ESRRG: variants seen among roughly 807,000 people sequenced by gnomAD.
ESRRG encodes estrogen-related receptor gamma.
A neutral mutation model predicts 44.0 loss-of-function variants in ESRRG; 13 were observed. The observed-to-expected ratio is 0.30, with a 90% CI of 0.19 to 0.47. The LOEUF is 0.47. ESRRG is among the 20% of genes least tolerant of loss of function. ESRRG has a pLI of 1.00. For missense variants in ESRRG, 395 were observed against 580.6 expected, an observed-to-expected ratio of 0.68 and a Z score of 3.29; for synonymous variants, 215 against 214.6, an observed-to-expected ratio of 1.00 and a Z score of -0.02.
At chr1:217,094,908 A>G (rs1261380924) in intron 1 of ESRRG, among the ~76,000 whole-genome samples, 1 of 152,236 alleles carries the variant, frequency 6.6e-6, no homozygotes, top group African/African-American at 2.4e-5. Flanking sequence ...AATGTATATC[A>G]AGCCTCTGAC....
At chr1:216,821,119 C>T (rs1189695956) in intron 2 of ESRRG, among the ~76,000 whole-genome samples, 1 of 152,094 alleles carries the variant, frequency 6.6e-6, no homozygotes, top group East Asian at 1.9e-4. Context: ...AGGGTTAGGC[C>T]AAGTGACATA....
chr1:216,926,755 G>T (rs1216431092), intron 2 of ESRRG, among the ~76,000 whole-genome samples: 3 of 152,158 alleles, frequency 2.0e-5, no homozygotes, highest in African/African-American at 7.2e-5. Flanking sequence ...ATTTCCCCTG[G>T]GGGATCTGAA....
intron 3 of ESRRG, among the ~76,000 whole-genome samples, chr1:216,574,912 C>T (rs1207677094): frequency 6.6e-6 from 1 of 152,114 alleles, no homozygotes; most frequent in Non-Finnish European, 1.5e-5. Flanking sequence ...TGCCTAAAGC[C>T]ACCTCCCTCC....
intron 1 of ESRRG, among the ~76,000 whole-genome samples, chr1:216,957,074 G>T (rs1347118852): frequency 6.6e-6 from 1 of 152,138 alleles, no homozygotes; most frequent in Non-Finnish European, 1.5e-5. Context: ...ATGTGAAAAG[G>T]ACTTGGTTAG....
At chr1:216,924,153 T>G (rs2062203251) in intron 2 of ESRRG, among the ~76,000 whole-genome samples, 1 of 152,094 alleles carries the variant, frequency 6.6e-6, no homozygotes, top group South Asian at 2.1e-4. Context: ...TCTCCCACAT[T>G]TCCCCCTCCA....
intron 2 of ESRRG, among the ~76,000 whole-genome samples, chr1:216,739,575 T>C (rs2090407094): frequency 1.3e-5 from 2 of 152,120 alleles, no homozygotes; most frequent in South Asian, 4.1e-4. Context: ...GAACTGTTAG[T>C]GTAAATTCTC....
At chr1:216,733,461 T>C (rs907067080) in intron 2 of ESRRG, among the ~76,000 whole-genome samples, 14 of 152,322 alleles carry the variant, frequency 9.2e-5, no homozygotes, top group African/African-American at 3.1e-4. Flanking sequence ...TTGCCGTCAT[T>C]GAGCAGTTAA....
At chr1:217,033,294 A>G (rs1558041072) in intron 1 of ESRRG, among the ~76,000 whole-genome samples, 1 of 152,126 alleles carries the variant, frequency 6.6e-6, no homozygotes, top group Non-Finnish European at 1.5e-5. Flanking sequence ...TGCTAAACTC[A>G]CAAATCTCAG....
chr1:217,028,071 A>G (rs1359703632), intron 1 of ESRRG, among the ~76,000 whole-genome samples: 1 of 152,080 alleles, frequency 6.6e-6, no homozygotes, highest in South Asian at 2.1e-4. Context: ...TTGGCCTTGC[A>G]TTTCCCTCTG....
intron 2 of ESRRG, among the ~76,000 whole-genome samples, chr1:216,813,506 A>G (rs1576831820): frequency 6.6e-6 from 1 of 152,228 alleles, no homozygotes; most frequent in East Asian, 1.9e-4. Context: ...TATAACTAGT[A>G]TCTATTTTAA....
At chr1:216,886,913 C>CT (rs1280562696) in intron 2 of ESRRG, among the ~76,000 whole-genome samples, 1 of 151,932 alleles carries the variant, frequency 6.6e-6, no homozygotes, top group Non-Finnish European at 1.5e-5. Flanking sequence ...TTTGTTTGTA[C>CT]TTTTTTTAAA....
At chr1:216,841,784 T>C (rs1256365480) in intron 2 of ESRRG, among the ~76,000 whole-genome samples, 2 of 152,150 alleles carry the variant, frequency 1.3e-5, no homozygotes, top group African/African-American at 2.4e-5. Flanking sequence ...AATGCACATG[T>C]TGGTTCATCT....
At chr1:216,790,131 C>A (rs2094269747) in intron 2 of ESRRG, among the ~76,000 whole-genome samples, 1 of 152,182 alleles carries the variant, frequency 6.6e-6, no homozygotes, top group Admixed American at 6.5e-5. Flanking sequence ...CAGGCTGGAT[C>A]TCCTAAATAA....
At chr1:217,009,656 T>C (rs1024359696) in intron 1 of ESRRG, among the ~76,000 whole-genome samples, 1 of 151,900 alleles carries the variant, frequency 6.6e-6, no homozygotes, top group African/African-American at 2.4e-5. Context: ...TACATCCATG[T>C]CTCCCATGAG....
chr1:216,839,890 A>G (rs1217682438), intron 2 of ESRRG, among the ~76,000 whole-genome samples: 4 of 152,224 alleles, frequency 2.6e-5, no homozygotes, highest in South Asian at 2.1e-4. Flanking sequence ...TAAACAGTCA[A>G]CCAGGCTTTG....
At chr1:216,529,246 C>T (rs1392011970) in intron 5 of ESRRG, among the ~76,000 whole-genome samples, 1 of 152,096 alleles carries the variant, frequency 6.6e-6, no homozygotes, top group Non-Finnish European at 1.5e-5. Flanking sequence ...GGAAATGAAG[C>T]AGGAACCAAA....
intron 2 of ESRRG, among the ~76,000 whole-genome samples, chr1:216,897,334 G>A (rs1264316599): frequency 6.6e-6 from 1 of 152,116 alleles, no homozygotes; most frequent in Non-Finnish European, 1.5e-5. Context: ...ATGTGCCTAA[G>A]GATCACCTTG....
chr1:216,956,588 C>A (rs1449947670), intron 1 of ESRRG, among the ~76,000 whole-genome samples: 1 of 152,056 alleles, frequency 6.6e-6, no homozygotes, highest in Admixed American at 6.5e-5. Context: ...TATTTGAAGT[C>A]TTTTGTGGTT....
At chr1:216,937,427 T>C (rs974756493) in intron 2 of ESRRG, among the ~76,000 whole-genome samples, 4 of 152,180 alleles carry the variant, frequency 2.6e-5, no homozygotes, top group African/African-American at 9.6e-5. Flanking sequence ...AGGTGGGTCA[T>C]TAGTCAATTA....
Sources: allele counts gnomAD v4.1 joint callset (sites outside exome capture counted in the v4.1 genomes callset), GRCh38; gene constraint gnomAD v4.1.1; transcripts MANE v1.5; gene names NCBI Gene and HGNC (gene_info 2026-07-23, HGNC 2026-07-21).